Variants in KMT2C observed in about 807,000 individuals in gnomAD.
KMT2C encodes the protein histone-lysine N-methyltransferase 2C.
KMT2C carries 88 observed loss-of-function variants against 507.9 expected under a neutral mutation model. The ratio of observed to expected loss-of-function variants is 0.17; its 90% CI spans 0.15 to 0.21. The LOEUF (loss-of-function observed/expected upper bound fraction) is 0.21. Among genes scored for constraint, KMT2C ranks in the 10% least tolerant of loss-of-function variants. The pLI, the probability that KMT2C is intolerant of heterozygous loss-of-function variation, is 1.00. For missense variants in KMT2C, 4,954 were observed against 5,957.8 expected (o/e 0.83, Z 5.55); for synonymous variants, 2,049 against 2,080.8 (o/e 0.98, Z 0.42).
chr7:152,183,150 CT>C lies in KMT2C; in HGVS notation c.5088del (p.Ala1697ProfsTer20). On this transcript the variant is annotated frameshift_variant, in exon 35 of 59. Transcript: ENST00000262189. LOFTEE classifies it high-confidence loss of function. ...SSQERAPYVQ[K>X]ARDNRAALRI... ...CGTAAAGCAGCTCTGTTATCTCTGG[CT>C]TTTTGCTTTGACAAAAGAAGAGAAA... 1.3e-6 allele frequency: 2 copies of C among 1,541,320 alleles called. No homozygotes were observed. The highest frequency in any genetic ancestry group is 2.3e-5 in the East Asian group (1 of 42,754).
chr7:152,431,178 T>G (rs1214818452), intron 1 of KMT2C, among the ~76,000 whole-genome samples: 4 of 152,188 alleles, frequency 2.6e-5, no homozygotes, highest in African/African-American at 7.2e-5. Context: ...TTTATCAAGT[T>G]TACATATTAG....
intron 41 of KMT2C, among the ~76,000 whole-genome samples, chr7:152,168,335 C>A (rs1300152705): frequency 6.6e-6 from 1 of 152,054 alleles, no homozygotes; most frequent in Non-Finnish European, 1.5e-5. Context: ...CCAGAAAAAG[C>A]CAGTTGGTAT....
intron 6 of KMT2C, among the ~76,000 whole-genome samples, chr7:152,282,539 A>C (rs542204978): frequency 1.3e-5 from 2 of 152,394 alleles, no homozygotes; most frequent in African/African-American, 4.8e-5. Flanking sequence ...ATTTGGATTT[A>C]TCTCACAAAT....
chr7:152,351,689 T>C (rs2129226492), intron 2 of KMT2C, among the ~76,000 whole-genome samples: 1 of 152,304 alleles, frequency 6.6e-6, no homozygotes, highest in Non-Finnish European at 1.5e-5. Flanking sequence ...CCCAAAATAA[T>C]ACTTTTATAA....
At chr7:152,423,322 AG>A (rs1473503225) in intron 1 of KMT2C, among the ~76,000 whole-genome samples, 1 of 152,258 alleles carries the variant, frequency 6.6e-6, no homozygotes, top group African/African-American at 2.4e-5. Flanking sequence ...CCTGCATGAC[AG>A]AGCGAGACTC....
In KMT2C at chr7:152,251,953, G is replaced by A; in HGVS notation, c.1607C>T (p.Ala536Val). Residue 536 changes from alanine (A) to valine (V), a missense_variant, in exon 11 of 59, where the codon GCT becomes GTT. Ala to Val is a moderately conservative substitution (Grantham distance 64). Transcript: ENST00000262189. ...CTCAAATTTACCTGTAGTGAGCTCA[G>A]CTATCTCCACTTCCTCACCTGGCTG... ...RLQPGEEVEI[A>V]ELTTDYNNEM... 1 of 1,606,706 alleles carries A rather than the reference G, an allele frequency of 6.2e-7. No homozygotes were observed. The highest frequency in any genetic ancestry group is 8.5e-7 in the Non-Finnish European group (1 of 1,177,010).
chr7:152,139,292 G>T, intron 56 of KMT2C, 33 bp from the exon 57 acceptor site: 1 of 1,600,074 alleles, frequency 6.2e-7, no homozygotes, highest in African/African-American at 1.3e-5. Context: ...AGTCATCAAT[G>T]TCGACCTGAA....
rs1470651868 is a variant in KMT2C, at chr7:152,346,577, G to A, written c.250+12010C>T. Among the ~76,000 whole-genome samples the A allele has an allele frequency of 2.6e-5, 4 of 152,166 alleles. No individual in the cohort carries two copies. In the East Asian group the frequency reaches 5.8e-4, roughly 22 times the overall value. ...ATTTGTGAGATGCAGTGAAAGCAGTGCTTAGAGGAAAAGTTATGGCATTTA... is the reference window on the plus strand; with the variant it reads ...ATTTGTGAGATGCAGTGAAAGCAGTACTTAGAGGAAAAGTTATGGCATTTA... On this transcript the variant is annotated intron_variant, in intron 2 of 58. Coordinates refer to ENST00000262189, the MANE Select transcript of KMT2C (RefSeq NM_170606.3).
chr7:152,396,948 T>C (rs1209129474), intron 1 of KMT2C, among the ~76,000 whole-genome samples: 4 of 152,172 alleles, frequency 2.6e-5, no homozygotes, highest in South Asian at 4.1e-4. Context: ...TACAAGGATA[T>C]TCCTTACAAA....
chr7:152,245,103 A>G (rs1338526434), intron 14 of KMT2C, among the ~76,000 whole-genome samples: 1 of 152,230 alleles, frequency 6.6e-6, no homozygotes, highest in Non-Finnish European at 1.5e-5. Context: ...TGAAAATGTG[A>G]AAGATTTGTT....
intron 6 of KMT2C, among the ~76,000 whole-genome samples, chr7:152,290,362 G>A (rs2096407477): frequency 7.6e-6 from 1 of 131,340 alleles, no homozygotes. Flanking sequence ...CCACGCTGGA[G>A]TGCAGTGGCA....
chr7:152,330,199 A>G (rs1446312979), intron 3 of KMT2C, among the ~76,000 whole-genome samples: 2 of 151,632 alleles, frequency 1.3e-5, no homozygotes, highest in South Asian at 2.1e-4. Flanking sequence ...AAGAAAAAAA[A>G]TAGGTTATAA....
Position 152,177,685 on chromosome 7 carries a change from G to T in KMT2C, c.7768C>A (p.His2590Asn), listed in dbSNP as rs2129115234. Residue 2590 changes from histidine to asparagine, a missense_variant, in exon 38 of 59, where the codon CAT becomes AAT. His to Asn is a moderately conservative substitution (Grantham distance 68). Coordinates refer to ENST00000262189, the MANE Select transcript of KMT2C (RefSeq NM_170606.3). ...SVVEASSNLR[H>N]GNFIPRPDFP... is the part of the protein sequence containing the mutation. The stretch of plus-strand genomic sequence containing the variant: ...TCTGGCCGGGGAATGAAGTTTCCAT[G>T]TCTCAGATTAGAAGATGCCTCTACA... The T allele has an allele frequency of 1.2e-6, 2 of 1,614,116 alleles. No individual in the cohort carries two copies. The highest frequency in any genetic ancestry group is 1.7e-6 in the Non-Finnish European group (2 of 1,180,010).
At chr7:152,344,754 G>A (rs1265038141) in intron 2 of KMT2C, among the ~76,000 whole-genome samples, 11 of 152,128 alleles carry the variant, frequency 7.2e-5, no homozygotes, top group African/African-American at 2.2e-4. Context: ...TTGGGAGGCC[G>A]AGGCGGGCAG....
intron 37 of KMT2C, 68 bp from the exon 38 acceptor site, chr7:152,178,078 G>GA: frequency 1.6e-6 from 2 of 1,275,474 alleles, no homozygotes; most frequent in Non-Finnish European, 2.0e-6. Context: ...GAGTTAAGTT[G>GA]AAAAAAAGAA....
chr7:152,395,440 T>TAGG (rs2097532198), intron 1 of KMT2C, among the ~76,000 whole-genome samples: 1 of 152,122 alleles, frequency 6.6e-6, no homozygotes, highest in African/African-American at 2.4e-5. Context: ...CCTCCTGTCT[T>TAGG]AGCCTCCCAA....
At chr7:152,223,387 A>G (rs1393560119) in intron 20 of KMT2C, among the ~76,000 whole-genome samples, 1 of 152,130 alleles carries the variant, frequency 6.6e-6, no homozygotes, top group Non-Finnish European at 1.5e-5. Context: ...GATATTTTTT[A>G]TAATCTATTA....
intron 1 of KMT2C, among the ~76,000 whole-genome samples, chr7:152,370,193 C>CA (rs756706044): frequency 0.02 from 2,374 of 117,880 alleles, 33 homozygotes; most frequent in African/African-American, 0.047. Context: ...GACTCCGTCT[C>CA]AAAAAAAAAA....
Position 152,255,108 on chromosome 7 carries a change from CTTATATATATATATATAT to C in KMT2C, c.1300-2411_1300-2394del, listed in dbSNP as rs1410896877. Reference sequence around the variant, plus strand: ...AAATCAAGATGTCAATCAACTCTCACTTATATATATATATATATATATATATATATATATATACATATA... The same window carrying C: ...AAATCAAGATGTCAATCAACTCTCACATATATATATATATATATACATATA... On this transcript the variant is annotated intron_variant, in intron 9 of 58. Transcript: ENST00000262189. 4.0e-4 allele frequency among the ~76,000 whole-genome samples: 24 copies of C among 60,674 alleles called. 3 individuals are homozygous for C. The highest frequency in any genetic ancestry group is 1.0e-3 in the South Asian group (2 of 1,986). 39.8% of individuals were successfully genotyped at this position (60,674 alleles called of 152,430 possible). A position where few individuals can be genotyped will look rare whatever the true frequency, so the allele number is the denominator to read the frequency against.
Sources: gnomAD v4.1 joint callset for allele counts (sites outside exome capture counted in the v4.1 genomes callset) on GRCh38, gnomAD v4.1.1 for gene constraint, MANE v1.5 for transcripts, NCBI Gene and HGNC (gene_info 2026-07-23, HGNC 2026-07-21) for gene names.